Variants in MTHFD1L observed in about 807,000 individuals in gnomAD.
MTHFD1L encodes methylenetetrahydrofolate dehydrogenase (NADP+ dependent) 1 like.
Under a neutral mutation model 119.5 loss-of-function variants are expected in MTHFD1L, and 81 were observed. That is an observed-to-expected ratio of 0.68 (90% CI 0.57 to 0.82). The LOEUF is 0.82. Among genes scored for constraint, MTHFD1L ranks in the 40% least tolerant of loss-of-function variants. MTHFD1L has a pLI of 0.00. For missense variants in MTHFD1L, 1,125 were observed against 1,253.4 expected (o/e 0.90, Z 1.55); for synonymous variants, 430 against 475.2 (o/e 0.90, Z 1.24).
chr6:151,076,708 G>A (rs1230977178), intron 26 of MTHFD1L, among the ~76,000 whole-genome samples: 1 of 151,370 alleles, frequency 6.6e-6, no homozygotes, highest in Non-Finnish European at 1.5e-5. Flanking sequence ...TGGAACAACT[G>A]GAACCCTCAT....
At chr6:150,868,819 T>C (rs1026612562) in intron 1 of MTHFD1L, among the ~76,000 whole-genome samples, 1 of 152,166 alleles carries the variant, frequency 6.6e-6, no homozygotes, top group African/African-American at 2.4e-5. Context: ...TCCCAGCACT[T>C]TGAGAGGCCA....
intron 26 of MTHFD1L, among the ~76,000 whole-genome samples, chr6:151,044,856 G>A (rs1787729155): frequency 6.6e-6 from 1 of 152,180 alleles, no homozygotes; most frequent in Non-Finnish European, 1.5e-5. Flanking sequence ...CGCTACAAAT[G>A]CTGGGTGGGG....
intron 1 of MTHFD1L, among the ~76,000 whole-genome samples, chr6:150,867,534 A>T (rs573578091): frequency 6.6e-6 from 1 of 152,326 alleles, no homozygotes; most frequent in East Asian, 1.9e-4. Context: ...GTCTGAAGCC[A>T]GGATAGGCGG....
rs1427267784 is a variant in MTHFD1L at position 150,918,561 on chromosome 6, C to G, written c.893-16C>G. The G allele has an allele frequency of 6.3e-7, 1 of 1,592,004 alleles. No homozygotes were observed. The highest frequency in any genetic ancestry group is 8.6e-7 in the Non-Finnish European group (1 of 1,162,142). On this transcript the variant is annotated splice_polypyrimidine_tract_variant and intron_variant, in intron 8 of 27. Coordinates refer to ENST00000367321, the MANE Select transcript of MTHFD1L (RefSeq NM_015440.5). The stretch of plus-strand genomic sequence containing the variant: ...AGTGTACTGAAAGTCTTTTTTTTCC[C>G]TCCAATTTTTTACAGGGAAGGTTGG...
intron 20 of MTHFD1L, among the ~76,000 whole-genome samples, chr6:150,980,946 G>A (rs573289426): frequency 9.2e-4 from 140 of 152,026 alleles, no homozygotes; most frequent in African/African-American, 3.2e-3. Flanking sequence ...GACCATTAAT[G>A]GCCCAGCAAT....
intron 26 of MTHFD1L, among the ~76,000 whole-genome samples, chr6:151,059,512 T>A (rs979493326): frequency 6.6e-6 from 1 of 152,142 alleles, no homozygotes; most frequent in Non-Finnish European, 1.5e-5. Context: ...AATATAAAAT[T>A]TGAAAATGTT....
intron 16 of MTHFD1L, among the ~76,000 whole-genome samples, chr6:150,949,340 G>A (rs1038398683): frequency 2.0e-5 from 3 of 151,328 alleles, no homozygotes; most frequent in African/African-American, 7.3e-5. Context: ...TTCTGTCCAG[G>A]GTCAATCCCA....
intron 20 of MTHFD1L, among the ~76,000 whole-genome samples, chr6:150,995,953 G>T (rs555917225): frequency 1.2e-4 from 18 of 152,262 alleles, no homozygotes; most frequent in African/African-American, 4.3e-4. Context: ...GAGCCACGGT[G>T]CCTGGCCAAC....
At chr6:151,099,856 A>G in intron 27 of MTHFD1L, 2 of 1,593,406 alleles carry the variant, frequency 1.3e-6, no homozygotes, top group South Asian at 1.1e-5. Flanking sequence ...CCGCAAAGCC[A>G]TCGTGGAAAG....
chr6:150,973,818 G>T (rs1326665808), intron 20 of MTHFD1L, among the ~76,000 whole-genome samples: 1 of 152,204 alleles, frequency 6.6e-6, no homozygotes, highest in Non-Finnish European at 1.5e-5. Flanking sequence ...GGATGTGGAT[G>T]TGTAGCCGTG....
intron 11 of MTHFD1L, among the ~76,000 whole-genome samples, chr6:150,934,110 G>A (rs114699757): frequency 2.0e-3 from 301 of 152,300 alleles, no homozygotes; most frequent in African/African-American, 7.0e-3. Flanking sequence ...GGAGAACCTG[G>A]TTAAGTCAGA....
intron 8 of MTHFD1L, among the ~76,000 whole-genome samples, chr6:150,910,344 A>G (rs1786657233): frequency 6.6e-6 from 1 of 151,762 alleles, no homozygotes; most frequent in South Asian, 2.1e-4. Flanking sequence ...CAGGCGGATC[A>G]CCTGCGGTGG....
intron 26 of MTHFD1L, among the ~76,000 whole-genome samples, chr6:151,064,893 C>T (rs1381245953): frequency 2.0e-5 from 3 of 151,868 alleles, no homozygotes; most frequent in Admixed American, 1.3e-4. Flanking sequence ...ACCTCCACCT[C>T]CTGGGTTCAA....
At chr6:151,053,263 G>GT (rs563157661) in intron 26 of MTHFD1L, among the ~76,000 whole-genome samples, 40 of 151,084 alleles carry the variant, frequency 2.6e-4, no homozygotes, top group African/African-American at 2.4e-4. Flanking sequence ...TCTTTGCTCT[G>GT]TTTTTTTTTA....
At chr6:151,058,918 C>T (rs919804774) in intron 26 of MTHFD1L, among the ~76,000 whole-genome samples, 2 of 152,190 alleles carry the variant, frequency 1.3e-5, no homozygotes, top group Non-Finnish European at 2.9e-5. Flanking sequence ...CTCAGGTGAT[C>T]ACCCCGTGTC....
At position 150,926,081 on chromosome 6, in the gene MTHFD1L, T is replaced by A. The variant is rs1789928814; in HGVS notation, c.1083-41T>A. On this transcript the variant is annotated intron_variant, in intron 10 of 27. Coordinates refer to ENST00000367321, the MANE Select transcript of MTHFD1L (RefSeq NM_015440.5). This position sits in a 1 kb window ranked among gnomAD's most constrained non-coding sequence, Gnocchi z 4.3. The stretch of plus-strand genomic sequence containing the variant: ...TCACTCCAGTTGTGACCACCTAAGC[T>A]GAGAAGCCTTTTCTCTCTTTCGTAT... 1 of 1,575,844 alleles carries A rather than the reference T, an allele frequency of 6.3e-7. No homozygotes were observed. Among genetic ancestry groups the A allele is most frequent in the African/African-American group, 1.4e-5 (1 of 73,922 alleles).
In MTHFD1L at chr6:150,949,055, C is replaced by G. The variant is rs763504150; in HGVS notation, c.1648C>G (p.Pro550Ala). Reference sequence around the variant, plus strand: ...GAAACTGGGAATAAATAAGACTGATCCGAGCACACTGACAGAAGAGGAAGT... The same window carrying G: ...GAAACTGGGAATAAATAAGACTGATGCGAGCACACTGACAGAAGAGGAAGT... ...LKKLGINKTD[P>A]STLTEEEVSK... Residue 550 changes from proline to alanine, a missense_variant, in exon 16 of 28, where the codon CCG (proline) becomes GCG (alanine). Pro to Ala is a conservative substitution (Grantham distance 27). Around this residue, in one of 3 missense-constraint regions of MTHFD1L, gnomAD observed 1,058 missense variants for 1,151.2 expected, o/e 0.92. Coordinates refer to ENST00000367321, the MANE Select transcript of MTHFD1L (RefSeq NM_015440.5). The G allele has an allele frequency of 2.5e-6, 4 of 1,613,892 alleles. No homozygotes were observed. Among genetic ancestry groups the G allele is most frequent in the South Asian group, 1.1e-5 (1 of 91,060 alleles).
chr6:150,943,898 C>A (rs113551320), intron 13 of MTHFD1L, among the ~76,000 whole-genome samples: 2 of 152,062 alleles, frequency 1.3e-5, no homozygotes, highest in Admixed American at 1.3e-4. Context: ...TTATTTTATG[C>A]CCTGCCTCAC....
At chr6:150,886,477 G>T (rs1782323875) in intron 6 of MTHFD1L, among the ~76,000 whole-genome samples, 1 of 151,234 alleles carries the variant, frequency 6.6e-6, no homozygotes, top group East Asian at 1.9e-4. Context: ...GAAGAAGCCG[G>T]TAGATGTAGT....
Sources: gnomAD v4.1 joint callset for allele counts (sites outside exome capture counted in the v4.1 genomes callset) on GRCh38, gnomAD v4.1.1 for gene constraint, gnomAD v4.1.1 regional missense constraint, Gnocchi (gnomAD v3.1) non-coding constraint, MANE v1.5 for transcripts, NCBI Gene and HGNC (gene_info 2026-07-23, HGNC 2026-07-21) for gene names.